BRSK2: variants seen among roughly 807,000 people sequenced by gnomAD.
BRSK2 encodes BR serine/threonine kinase 2.
In BRSK2, 19 loss-of-function variants were observed where a neutral mutation model predicts 83.3. The observed-to-expected ratio is 0.23, with a 90% CI of 0.16 to 0.33. BRSK2 has a LOEUF of 0.33. BRSK2 is among the 10% of genes least tolerant of loss of function. The pLI, the probability that BRSK2 is intolerant of heterozygous loss-of-function variation, is 1.00. For missense variants in BRSK2, 798 were observed against 1,042.3 expected, an observed-to-expected ratio of 0.77 and a Z score of 3.23; for synonymous variants, 519 against 435.4, an observed-to-expected ratio of 1.19 and a Z score of -2.39.
At chr11:1,392,895 G>A (rs1227390708) in intron 1 of BRSK2, among the ~76,000 whole-genome samples, 3 of 152,156 alleles carry the variant, frequency 2.0e-5, no homozygotes, top group Non-Finnish European at 4.4e-5. Flanking sequence ...GGTGGCTGTG[G>A]GGGTTGCCTT....
intron 12 of BRSK2, chr11:1,447,958 G>A: frequency 1.6e-6 from 2 of 1,265,842 alleles, no homozygotes; most frequent in Admixed American, 4.0e-5. Context: ...CTGGTGGCGG[G>A]CTGGGCTGCA....
In BRSK2 at chr11:1,454,399, G is replaced by A. The variant is rs552315021; in HGVS notation, c.1545-86G>A. ...CTATCACGAAGCGATGGAAGATTCCGCCGTTCCAACCCCAGATTCGAGGGA... is the reference window on the plus strand; with the variant it reads ...CTATCACGAAGCGATGGAAGATTCCACCGTTCCAACCCCAGATTCGAGGGA... On this transcript the variant is annotated intron_variant, in intron 15 of 19. Coordinates refer to ENST00000528841, the MANE Select transcript of BRSK2 (RefSeq NM_001256627.2). The surrounding 1 kb of genome is among the most constrained non-coding windows in gnomAD (Gnocchi z 5.2). 41 of 1,510,906 alleles carry A rather than the reference G, an allele frequency of 2.7e-5. No individual in the cohort carries two copies. The highest frequency in any genetic ancestry group is 2.5e-4 in the African/African-American group (18 of 72,836). 93.6% of individuals were successfully genotyped at this position (1,510,906 alleles called of 1,614,324 possible).
intron 19 of BRSK2, 42 bp downstream of exon 19, chr11:1,459,281 T>TGAGA: frequency 1.2e-6 from 2 of 1,608,836 alleles, no homozygotes; most frequent in Non-Finnish European, 1.7e-6. Context: ...CACCTGCCAC[T>TGAGA]TCACCGCTCA....
intron 18 of BRSK2, chr11:1,457,025 C>T (rs1215282166): frequency 1.9e-6 from 3 of 1,593,752 alleles, no homozygotes; most frequent in African/African-American, 1.3e-5. Context: ...CCACCAGCTA[C>T]GAGAGTAGCC....
At chr11:1,401,471 C>T (rs1461026428) in intron 1 of BRSK2, among the ~76,000 whole-genome samples, 1 of 152,202 alleles carries the variant, frequency 6.6e-6, no homozygotes, top group East Asian at 1.9e-4. Context: ...GCTCAGGAGC[C>T]CCTGGGACCA....
chr11:1,416,734 T>C (rs1229252407), intron 1 of BRSK2, among the ~76,000 whole-genome samples: 2 of 152,154 alleles, frequency 1.3e-5, no homozygotes, highest in Non-Finnish European at 2.9e-5. Context: ...TTCGGTTTTG[T>C]GTGTTTCGCA....
intron 15 of BRSK2, among the ~76,000 whole-genome samples, chr11:1,452,922 A>G (rs560861511): frequency 1.3e-5 from 2 of 152,318 alleles, no homozygotes; most frequent in South Asian, 4.1e-4. Context: ...TCAACCAGGC[A>G]CCCCAGAGGA....
Position 1,423,783 on chromosome 11 carries a change from CCGGG to C in BRSK2, c.92-12256_92-12253del. Among the ~76,000 whole-genome samples the C allele has an allele frequency of 1.4e-5, 2 of 147,862 alleles. No homozygotes were observed. Among genetic ancestry groups the C allele is most frequent in the Admixed American group, 6.7e-5 (1 of 14,946 alleles). On this transcript the variant is annotated intron_variant, in intron 1 of 19. Transcript: ENST00000528841. This position sits in a 1 kb window ranked among gnomAD's most constrained non-coding sequence, Gnocchi z 6.5. ...CCCCAGGCCTCCCCCGCTGGGCGTT[CCGGG>C]TGCCCCAGGCCTCCCCCGCTGGGCG...
intron 1 of BRSK2, among the ~76,000 whole-genome samples, chr11:1,414,365 C>T (rs1480532289): frequency 1.3e-5 from 2 of 152,192 alleles, no homozygotes; most frequent in African/African-American, 4.8e-5. Flanking sequence ...CTCCGGGGAT[C>T]TCAGGGCGCT....
Position 1,438,504 on chromosome 11 carries a change from G to A in BRSK2, c.272+113G>A. 1.1e-6 allele frequency: 1 copy of A among 926,282 alleles called. No homozygotes were observed. The highest frequency in any genetic ancestry group is 2.5e-5 in the East Asian group (1 of 39,858). 57.4% of individuals were successfully genotyped at this position (926,282 alleles called of 1,614,324 possible). On this transcript the variant is annotated intron_variant, in intron 3 of 19. Transcript: ENST00000528841. This position sits in a 1 kb window ranked among gnomAD's most constrained non-coding sequence, Gnocchi z 6.4. ...GGGCTGGAGGCCAGGGGCGCCTGCT[G>A]CATCCCAGCAGCCCTGGCCCTGCTA...
In BRSK2 at chr11:1,460,993, G is replaced by A. The variant is rs1847434667; in HGVS notation, c.*270G>A. 1 of 1,612,202 alleles carries A rather than the reference G, an allele frequency of 6.2e-7. No homozygotes were observed. The highest frequency in any genetic ancestry group is 8.5e-7 in the Non-Finnish European group (1 of 1,179,404). On this transcript the variant is annotated 3_prime_UTR_variant, in exon 20 of 20. Coordinates refer to ENST00000528841, the MANE Select transcript of BRSK2 (RefSeq NM_001256627.2). The stretch of plus-strand genomic sequence containing the variant: ...AGGAATTATCCCGAAAAGTTAACAT[G>A]TCACCTCCACGAGGCCATCCTCTGT...
rs749325022 is a variant in BRSK2 at position 1,449,846 on chromosome 11, C to A, written c.1287+10C>A. 4.4e-6 allele frequency: 7 copies of A among 1,602,018 alleles called. No homozygotes were observed. The Admixed American group carries it at 6.7e-5, about 15-fold the overall frequency. On this transcript the variant is annotated intron_variant, in intron 13 of 19. Transcript: ENST00000528841. The stretch of plus-strand genomic sequence containing the variant: ...ACTCAGCAGCCCCCGGGTGAGTGAC[C>A]CCCCGCCCCCACCCAGCTCGGATGC...
chr11:1,392,788 G>A (rs142748641), intron 1 of BRSK2, among the ~76,000 whole-genome samples: 20 of 152,324 alleles, frequency 1.3e-4, no homozygotes, highest in Non-Finnish European at 5.9e-5. Flanking sequence ...TCACCTGTAC[G>A]GCACCTCCCT....
chr11:1,398,070 G>C lies in BRSK2; in HGVS notation c.91+7695G>C, dbSNP rs111241718. ...ATGGCTGCAAGTCGGGCTGAGTCCA[G>C]CTGTGGGTGGTTTGCGGGGGCACAG... On this transcript the variant is annotated intron_variant, in intron 1 of 19. Coordinates refer to ENST00000528841, the MANE Select transcript of BRSK2 (RefSeq NM_001256627.2). 7.9e-5 allele frequency among the ~76,000 whole-genome samples: 12 copies of C among 152,144 alleles called. 1 individual carries two copies. The highest frequency in any genetic ancestry group is 2.4e-4 in the African/African-American group (10 of 41,558).
intron 1 of BRSK2, among the ~76,000 whole-genome samples, chr11:1,397,264 G>A (rs1846189733): frequency 6.6e-6 from 1 of 152,230 alleles, no homozygotes; most frequent in Non-Finnish European, 1.5e-5. Context: ...GCTGCCTGGG[G>A]CTCTGGACAA....
At chr11:1,452,160 C>T (rs1446986367) in intron 15 of BRSK2, among the ~76,000 whole-genome samples, 2 of 152,196 alleles carry the variant, frequency 1.3e-5, no homozygotes, top group Non-Finnish European at 2.9e-5. Context: ...ATGTGGCCAG[C>T]TGTGGACTGA....
intron 1 of BRSK2, among the ~76,000 whole-genome samples, chr11:1,428,505 C>G (rs975583116): frequency 1.3e-5 from 2 of 152,222 alleles, no homozygotes; most frequent in African/African-American, 2.4e-5. Flanking sequence ...TGAAGGGGCC[C>G]CACTCAAAGC....
intron 1 of BRSK2, among the ~76,000 whole-genome samples, chr11:1,404,801 G>A (rs1413102630): frequency 1.3e-5 from 2 of 152,210 alleles, no homozygotes; most frequent in African/African-American, 4.8e-5. Flanking sequence ...ACCGCGCCCT[G>A]GAGATTACTG....
chr11:1,456,537 G>T lies in BRSK2; in HGVS notation c.1849+9G>T. 1 of 1,590,754 alleles carries T rather than the reference G, an allele frequency of 6.3e-7. No individual in the cohort carries two copies. Reference sequence around the variant, plus strand: ...CTTCACCCTGCTCTCAGGTGAGCTGGCGCCCCCAGGGCGGCTCCGGGCCCA... The same window carrying T: ...CTTCACCCTGCTCTCAGGTGAGCTGTCGCCCCCAGGGCGGCTCCGGGCCCA... On this transcript the variant is annotated intron_variant, in intron 17 of 19. Coordinates refer to ENST00000528841, the MANE Select transcript of BRSK2 (RefSeq NM_001256627.2).
Sources: allele counts gnomAD v4.1 joint callset (sites outside exome capture counted in the v4.1 genomes callset), GRCh38; gene constraint gnomAD v4.1.1; non-coding constraint Gnocchi (gnomAD v3.1); transcripts MANE v1.5; gene names NCBI Gene and HGNC (gene_info 2026-07-23, HGNC 2026-07-21).